The following FGF13 variants were observed in gnomAD, a reference collection of about 807,000 sequenced individuals.
The protein encoded by FGF13 is fibroblast growth factor 13.
A neutral mutation model predicts 19.5 loss-of-function variants in FGF13; 2 were observed. The observed-to-expected ratio is 0.10, with a 90% confidence interval of 0.04 to 0.32. The LOEUF (loss-of-function observed/expected upper bound fraction) is 0.32, where lower values mean the gene tolerates loss of function less well. Among genes scored for constraint, FGF13 ranks in the 10% least tolerant of loss-of-function variants. The pLI is 1.00. For missense variants in FGF13, 113 were observed against 192.7 expected (o/e 0.59, Z 2.45); for synonymous variants, 72 against 76.9 (o/e 0.94, Z 0.33).
At chrX:139,135,156 C>T (rs1427730400) in intron 1 of FGF13, among the ~76,000 whole-genome samples, 3 of 112,328 alleles carry the variant, frequency 2.7e-5, no homozygotes, top group Non-Finnish European at 1.9e-5. Flanking sequence ...GAGCAGTGCA[C>T]AGTGAGACTG....
At chrX:138,824,791 T>A (rs748833994) in intron 3 of FGF13, among the ~76,000 whole-genome samples, 19 of 111,558 alleles carry the variant, frequency 1.7e-4, no homozygotes, top group Non-Finnish European at 3.4e-4. Context: ...TGTTACAAAG[T>A]CTCTAACTCA....
intron 1 of FGF13, among the ~76,000 whole-genome samples, chrX:138,877,309 G>A (rs2091396273): frequency 9.0e-6 from 1 of 111,140 alleles, no homozygotes; most frequent in African/African-American, 3.3e-5. Flanking sequence ...TTCATAGAAG[G>A]GACACATTTG....
At chrX:138,648,303 C>T (rs2089329211) in intron 3 of FGF13, among the ~76,000 whole-genome samples, 1 of 111,204 alleles carries the variant, frequency 9.0e-6, no homozygotes. Flanking sequence ...TTACATTCCT[C>T]CTGCTCAAAA....
chrX:138,708,575 T>A (rs2090013859), intron 2 of FGF13, among the ~76,000 whole-genome samples: 2 of 112,135 alleles, frequency 1.8e-5, no homozygotes, highest in Admixed American at 1.9e-4. Context: ...TCTATCTAGA[T>A]TTCCATGGAG....
intron 3 of FGF13, among the ~76,000 whole-genome samples, chrX:138,759,100 G>C (rs1435149319): frequency 8.9e-6 from 1 of 112,155 alleles, no homozygotes; most frequent in African/African-American, 3.2e-5. Flanking sequence ...TTCCATTGCA[G>C]GTTGGTCTGA....
chrX:138,762,270 T>A (rs1015623931), intron 3 of FGF13, among the ~76,000 whole-genome samples: 1 of 111,128 alleles, frequency 9.0e-6, no homozygotes, highest in African/African-American at 3.3e-5. Flanking sequence ...CAATGGTGCC[T>A]TTGACCTGAT....
At chrX:139,010,834 A>T (rs2092124973) in intron 1 of FGF13, among the ~76,000 whole-genome samples, 1 of 111,515 alleles carries the variant, frequency 9.0e-6, no homozygotes, top group Admixed American at 9.6e-5. Flanking sequence ...ATTGAAACAA[A>T]AAAAAAATAC....
At chrX:138,909,147 G>T (rs2091574242) in intron 1 of FGF13, among the ~76,000 whole-genome samples, 1 of 111,644 alleles carries the variant, frequency 9.0e-6, no homozygotes, top group Non-Finnish European at 1.9e-5. Flanking sequence ...CTGTGACTTA[G>T]GGACAGGAAA....
At chrX:138,736,611 T>C (rs1461318972) in intron 1 of FGF13, among the ~76,000 whole-genome samples, 1 of 110,154 alleles carries the variant, frequency 9.1e-6, no homozygotes, top group Non-Finnish European at 1.9e-5. Flanking sequence ...TTGCAACCCC[T>C]GAAAAATGGA....
At chrX:138,646,661 G>GT (rs2089310232) in intron 3 of FGF13, among the ~76,000 whole-genome samples, 1 of 112,052 alleles carries the variant, frequency 8.9e-6, no homozygotes, top group Non-Finnish European at 1.9e-5. Flanking sequence ...CACATGTTGG[G>GT]TTTTTTATTT....
intron 1 of FGF13, among the ~76,000 whole-genome samples, chrX:139,198,433 C>A: frequency 9.0e-6 from 1 of 111,517 alleles, no homozygotes; most frequent in Admixed American, 9.5e-5. Context: ...CTCTGGACAG[C>A]CCTACTGTAC....
Position 139,104,752 on chromosome X carries a change from A to C in FGF13, c.-113+98664T>G, listed in dbSNP as rs757605550. ...TTGTAACCTCACATGAAGGAAAGGCAGGGAGCTAGCTCTCTGCTCTATTCC... is the reference window on the plus strand; with the variant it reads ...TTGTAACCTCACATGAAGGAAAGGCCGGGAGCTAGCTCTCTGCTCTATTCC... On this transcript the variant is annotated intron_variant, in intron 1 of 2. Coordinates refer to the FGF13 transcript ENST00000421460. Among the ~76,000 whole-genome samples the C allele has an allele frequency of 6.3e-5, 7 of 111,212 alleles. No homozygotes were observed. In the South Asian group the frequency reaches 2.3e-3, roughly 37 times the overall value.
intron 1 of FGF13, among the ~76,000 whole-genome samples, chrX:138,896,243 T>C (rs1263023082): frequency 8.9e-6 from 1 of 111,939 alleles, no homozygotes; most frequent in Admixed American, 9.5e-5. Flanking sequence ...TGTGTGTATA[T>C]ATATTTTTAT....
upstream of FGF13, among the ~76,000 whole-genome samples, chrX:138,713,324 T>C (rs774805746): frequency 8.9e-6 from 1 of 112,331 alleles, no homozygotes; most frequent in Admixed American, 9.4e-5. Flanking sequence ...TATTTCCTAG[T>C]TCAAAATGTT....
intron 1 of FGF13, among the ~76,000 whole-genome samples, chrX:138,921,068 G>A (rs1168979218): frequency 1.8e-5 from 2 of 111,373 alleles, no homozygotes; most frequent in Admixed American, 1.9e-4. Context: ...ACTTCAGAGG[G>A]CCATTATCAG....
At chrX:139,090,384 A>G (rs1266113977) in intron 1 of FGF13, among the ~76,000 whole-genome samples, 9 of 111,500 alleles carry the variant, frequency 8.1e-5, no homozygotes, top group African/African-American at 2.9e-4. Context: ...TGGAGTGCTT[A>G]GTACATAACA....
At chrX:139,057,059 C>A (rs2092322312) in intron 1 of FGF13, among the ~76,000 whole-genome samples, 1 of 111,694 alleles carries the variant, frequency 9.0e-6, no homozygotes, top group Non-Finnish European at 1.9e-5. Context: ...TGAGCTTCAA[C>A]TGTCTCATCT....
At chrX:139,072,001 T>C (rs1603182182) in intron 1 of FGF13, among the ~76,000 whole-genome samples, 1 of 70,394 alleles carries the variant, frequency 1.4e-5, no homozygotes, top group Admixed American at 1.8e-4. Context: ...CAGAGCGAGA[T>C]TCCATCTCAA....
chrX:138,669,383 A>G (rs1335353672), intron 3 of FGF13, among the ~76,000 whole-genome samples: 1 of 111,336 alleles, frequency 9.0e-6, no homozygotes, highest in African/African-American at 3.3e-5. Flanking sequence ...AAAACTAGAC[A>G]GAGGATGTAC....
Sources: allele counts gnomAD v4.1 joint callset (sites outside exome capture counted in the v4.1 genomes callset), GRCh38; gene constraint gnomAD v4.1.1; transcripts MANE v1.5; gene names NCBI Gene and HGNC (gene_info 2026-07-23, HGNC 2026-07-21).